SMURF2: variants seen among roughly 807,000 people sequenced by gnomAD.
The protein encoded by SMURF2 is E3 ubiquitin-protein ligase SMURF2.
A neutral mutation model predicts 109.6 loss-of-function variants in SMURF2; 48 were observed. The observed-to-expected ratio is 0.44, with a 90% confidence interval of 0.35 to 0.56. SMURF2 has a LOEUF of 0.56. Ranked by LOEUF, SMURF2 falls within the 20% of genes least tolerant of loss-of-function variation. The pLI is 0.01. For missense variants in SMURF2, 575 were observed against 909.0 expected (o/e 0.63, Z 4.72); for synonymous variants, 288 against 317.1 (o/e 0.91, Z 0.97).
At chr17:64,630,209 C>G (rs953015225) in intron 1 of SMURF2, among the ~76,000 whole-genome samples, 18 of 151,616 alleles carry the variant, frequency 1.2e-4, no homozygotes, top group African/African-American at 4.4e-4. Flanking sequence ...GTACTCCAGC[C>G]TGGGCAACAG....
intron 1 of SMURF2, 65 bp downstream of exon 1, chr17:64,661,764 A>G: frequency 8.6e-7 from 1 of 1,161,792 alleles, no homozygotes; most frequent in South Asian, 4.3e-5. Context: ...TCCCAAGGCC[A>G]CAGGCACCCC....
At chr17:64,638,003 A>G (rs1342748296) in intron 1 of SMURF2, among the ~76,000 whole-genome samples, 2 of 140,512 alleles carry the variant, frequency 1.4e-5, no homozygotes, top group African/African-American at 2.7e-5. Flanking sequence ...CCATTGATCT[A>G]TATCTCAATC....
At chr17:64,642,941 T>A (rs1970510388) in intron 1 of SMURF2, among the ~76,000 whole-genome samples, 2 of 152,074 alleles carry the variant, frequency 1.3e-5, no homozygotes, top group Admixed American at 6.6e-5. Context: ...ACTACAGGCA[T>A]GCACCACCAC....
rs947324051 is a variant in SMURF2, at chr17:64,543,341, C to G, written c.*2507G>C. The G allele has an allele frequency of 1.3e-5, 2 of 148,794 alleles. No homozygotes were observed. The highest frequency in any genetic ancestry group is 3.0e-5 in the Non-Finnish European group (2 of 67,726). 9.2% of individuals were successfully genotyped at this position (148,794 alleles called of 1,614,324 possible). A position where few individuals can be genotyped will look rare whatever the true frequency, so the allele number is the denominator to read the frequency against. ...CCAGGCTGGAGTGCAGTGGTGCGATCTCGGCTCACTGCAATCTCTGCCTCC... is the reference window on the plus strand; with the variant it reads ...CCAGGCTGGAGTGCAGTGGTGCGATGTCGGCTCACTGCAATCTCTGCCTCC... On this transcript the variant is annotated 3_prime_UTR_variant, in exon 19 of 19. Coordinates refer to ENST00000262435, the MANE Select transcript of SMURF2 (RefSeq NM_022739.4).
intron 4 of SMURF2, 55 bp downstream of exon 4, chr17:64,593,385 A>T: frequency 6.6e-7 from 1 of 1,521,302 alleles, no homozygotes; most frequent in Non-Finnish European, 8.9e-7. Flanking sequence ...ACAAATACAT[A>T]TACACACACA....
chr17:64,624,837 G>A (rs1174359300), intron 1 of SMURF2, among the ~76,000 whole-genome samples: 1 of 151,876 alleles, frequency 6.6e-6, no homozygotes, highest in Non-Finnish European at 1.5e-5. Context: ...GAGGGAAGGA[G>A]AGGGGAGGGG....
intron 16 of SMURF2, among the ~76,000 whole-genome samples, chr17:64,549,391 T>C (rs549650495): frequency 8.0e-5 from 12 of 150,094 alleles, no homozygotes; most frequent in African/African-American, 3.0e-4. Flanking sequence ...AACAGTGAGC[T>C]AGGATCATGG....
At position 64,566,561 on chromosome 17, in the gene SMURF2, G is replaced by GTTTGTTTGTTTTT. The variant is rs1969305868; in HGVS notation, c.1017-3596_1017-3595insAAAAACAAACAAA. On this transcript the variant is annotated intron_variant, in intron 10 of 18. Coordinates refer to ENST00000262435, the MANE Select transcript of SMURF2 (RefSeq NM_022739.4). ...GATGTAGAAATGCTTAAGCTTTCTG[G>GTTTGTTTGTTTTT]TTTTTTTTTTTTTTTTTTTTTTTTT... 2.7e-3 allele frequency among the ~76,000 whole-genome samples: 120 copies of GTTTGTTTGTTTTT among 43,812 alleles called. 3 individuals are homozygous for GTTTGTTTGTTTTT. The highest frequency in any genetic ancestry group is 8.7e-3 in the African/African-American group (116 of 13,320). 28.7% of individuals were successfully genotyped at this position (43,812 alleles called of 152,430 possible). A position where few individuals can be genotyped will look rare whatever the true frequency, so the allele number is the denominator to read the frequency against.
At chr17:64,657,315 C>A (rs898478406) in intron 1 of SMURF2, among the ~76,000 whole-genome samples, 2 of 152,028 alleles carry the variant, frequency 1.3e-5, no homozygotes, top group African/African-American at 4.8e-5. Flanking sequence ...TATACTGAGT[C>A]ATGAATAAAA....
intron 5 of SMURF2, among the ~76,000 whole-genome samples, chr17:64,587,165 A>G (rs1969675049): frequency 6.6e-6 from 1 of 152,128 alleles, no homozygotes; most frequent in African/African-American, 2.4e-5. Context: ...ACAGAGTGAG[A>G]CTCCGTCTCA....
Position 64,547,420 on chromosome 17 carries a change from G to A in SMURF2, c.2071+180C>T, listed in dbSNP as rs553844586. Among the ~76,000 whole-genome samples, 3 of 152,304 alleles carry A rather than the reference G, an allele frequency of 2.0e-5. No homozygotes were observed. Among genetic ancestry groups the A allele is most frequent in the African/African-American group, 7.2e-5 (3 of 41,554 alleles). On this transcript the variant is annotated intron_variant, in intron 17 of 18. Coordinates refer to ENST00000262435, the MANE Select transcript of SMURF2 (RefSeq NM_022739.4). The surrounding 1 kb of genome is among the most constrained non-coding windows in gnomAD (Gnocchi z 4.2). ...TACAATCAGAGAAGCCCGCAGAAAA[G>A]GCTCTTGGGAAGGGAACAAAAGAAA...
chr17:64,583,594 A>G (rs781888351), intron 6 of SMURF2, 50 bp from the exon 7 acceptor site: 2 of 1,396,752 alleles, frequency 1.4e-6, no homozygotes, highest in Admixed American at 1.7e-5. Context: ...ACTTGGACAC[A>G]GTGCAACAAG....
intron 10 of SMURF2, among the ~76,000 whole-genome samples, chr17:64,569,849 A>C (rs1969374298): frequency 6.6e-6 from 1 of 152,240 alleles, no homozygotes. Context: ...AGCGCCCTAG[A>C]GCAGTGTTAC....
chr17:64,566,561 G>GGT (rs1969305621), intron 10 of SMURF2, among the ~76,000 whole-genome samples: 1 of 43,784 alleles, frequency 2.3e-5, no homozygotes, highest in African/African-American at 7.5e-5. Context: ...AAGCTTTCTG[G>GGT]TTTTTTTTTT....
At chr17:64,587,537 G>A (rs1359925418) in intron 5 of SMURF2, among the ~76,000 whole-genome samples, 21 of 152,212 alleles carry the variant, frequency 1.4e-4, no homozygotes, top group African/African-American at 5.1e-4. Context: ...AGAAGGAGGT[G>A]TAGTCAAACT....
At chr17:64,596,394 G>A (rs1969817343) in intron 3 of SMURF2, among the ~76,000 whole-genome samples, 1 of 151,852 alleles carries the variant, frequency 6.6e-6, no homozygotes, top group African/African-American at 2.4e-5. Context: ...TCTAAACCTA[G>A]AAGATAATGG....
chr17:64,567,125 T>C (rs1435574858), intron 10 of SMURF2, among the ~76,000 whole-genome samples: 6 of 152,220 alleles, frequency 3.9e-5, no homozygotes, highest in African/African-American at 7.2e-5. Flanking sequence ...CCCAAAGTGC[T>C]GGGATTACCA....
chr17:64,554,668 C>CT (rs1555683885), intron 15 of SMURF2, among the ~76,000 whole-genome samples, 188 bp downstream of exon 15: 6 of 152,156 alleles, frequency 3.9e-5, no homozygotes, highest in Non-Finnish European at 8.8e-5. Flanking sequence ...CCATGTTGTT[C>CT]TTTTGCCCAA....
chr17:64,559,446 T>C (rs1555684320), intron 12 of SMURF2, among the ~76,000 whole-genome samples: 1 of 151,514 alleles, frequency 6.6e-6, no homozygotes, highest in Non-Finnish European at 1.5e-5. Flanking sequence ...ATACAAAAAT[T>C]AGCTAGGCGT....
Sources: allele counts gnomAD v4.1 joint callset (sites outside exome capture counted in the v4.1 genomes callset), GRCh38; gene constraint gnomAD v4.1.1; non-coding constraint Gnocchi (gnomAD v3.1); transcripts MANE v1.5; gene names NCBI Gene and HGNC (gene_info 2026-07-23, HGNC 2026-07-21).